Variants in TDRD9 observed in about 807,000 individuals in gnomAD.
TDRD9 encodes ATP-dependent RNA helicase TDRD9.
Under a neutral mutation model 172.6 loss-of-function variants are expected in TDRD9, and 124 were observed. That is an observed-to-expected ratio of 0.72 (90% CI 0.62 to 0.83). The LOEUF is 0.83. TDRD9 is among the 40% of genes least tolerant of loss of function. The probability of loss-of-function intolerance (pLI) is 0.00; values close to 1 mark genes in which losing one functional copy is unlikely to be tolerated. For synonymous variants in TDRD9, 619 were observed against 617.1 expected (o/e 1.00, Z -0.05); for missense variants, 1,479 against 1,714.1 (o/e 0.86, Z 2.42).
At chr14:103,987,425 G>C (rs1179876942) in intron 8 of TDRD9, among the ~76,000 whole-genome samples, 1 of 151,948 alleles carries the variant, frequency 6.6e-6, no homozygotes, top group Non-Finnish European at 1.5e-5. Flanking sequence ...CTTTAGCTGT[G>C]TCCCATTAGT....
intron 7 of TDRD9, among the ~76,000 whole-genome samples, chr14:103,977,218 G>T (rs574185933): frequency 1.2e-4 from 18 of 152,016 alleles, no homozygotes; most frequent in Admixed American, 1.2e-3. Context: ...TGGGCCTGGC[G>T]CGGTGGCTTA....
intron 34 of TDRD9, among the ~76,000 whole-genome samples, chr14:104,046,506 C>T (rs2035781590): frequency 6.6e-6 from 1 of 152,080 alleles, no homozygotes; most frequent in Non-Finnish European, 1.5e-5. Context: ...GCCTTGGTAC[C>T]TTGGTCAAAA....
chr14:103,949,620 A>G (rs2031752616), intron 1 of TDRD9, among the ~76,000 whole-genome samples: 2 of 152,336 alleles, frequency 1.3e-5, no homozygotes, highest in African/African-American at 4.8e-5. Context: ...GATTGCAACA[A>G]TAACTTTGAA....
intron 6 of TDRD9, among the ~76,000 whole-genome samples, chr14:103,971,735 T>C (rs2033042314): frequency 6.6e-6 from 1 of 152,230 alleles, no homozygotes; most frequent in Admixed American, 6.5e-5. Flanking sequence ...CGGATACTTT[T>C]TGGTTATTAT....
intron 20 of TDRD9, among the ~76,000 whole-genome samples, 166 bp from the exon 21 acceptor site, chr14:104,014,559 G>A (rs1244361192): frequency 2.6e-5 from 4 of 152,138 alleles, no homozygotes; most frequent in African/African-American, 7.2e-5. Context: ...GGGATTAGAG[G>A]TGTGAGTCAC....
At chr14:104,017,130 C>T (rs1475786384) in intron 22 of TDRD9, among the ~76,000 whole-genome samples, 1 of 151,966 alleles carries the variant, frequency 6.6e-6, no homozygotes, top group African/African-American at 2.4e-5. Context: ...CCTCTCTCAC[C>T]CCTCTGCCCC....
intron 8 of TDRD9, among the ~76,000 whole-genome samples, chr14:103,987,201 T>G (rs910936351): frequency 6.6e-6 from 1 of 152,094 alleles, no homozygotes; most frequent in African/African-American, 2.4e-5. Context: ...TTTTACTACA[T>G]CTGTCTCCAT....
At chr14:103,987,038 T>C (rs2033686678) in intron 8 of TDRD9, among the ~76,000 whole-genome samples, 1 of 151,976 alleles carries the variant, frequency 6.6e-6, no homozygotes, top group Non-Finnish European at 1.5e-5. Flanking sequence ...CGCTTGAACC[T>C]GGGAGGCAGA....
chr14:103,967,347 CAAAAAA>C (rs11444885), intron 5 of TDRD9, among the ~76,000 whole-genome samples: 12 of 49,748 alleles, frequency 2.4e-4, no homozygotes, highest in East Asian at 6.2e-4. Context: ...ACTAAAAATA[CAAAAAA>C]AAAAAAAAAA....
In TDRD9 at chr14:104,035,073, T is replaced by C. The variant is rs1393905537; in HGVS notation, c.3716+17T>C. 1 of 1,544,466 alleles carries C rather than the reference T, an allele frequency of 6.5e-7. No individual in the cohort carries two copies. Among genetic ancestry groups the C allele is most frequent in the Non-Finnish European group, 8.8e-7 (1 of 1,141,026 alleles). ...AGAGTTAAGGTACGGGCATCCCTCT[T>C]GTCTATAGGCTTTGTAAAATAAGAA... On this transcript the variant is annotated intron_variant, in intron 32 of 35. Transcript: ENST00000409874.
intron 14 of TDRD9, 136 bp downstream of exon 14, chr14:104,004,471 C>T (rs1057021683): frequency 3.6e-5 from 17 of 475,756 alleles, no homozygotes; most frequent in African/African-American, 1.4e-4. Context: ...ATCTGCCTCC[C>T]GGGTTTACGC....
In TDRD9 at chr14:103,979,464, T is replaced by G. The variant is rs570560026; in HGVS notation, c.1011+3911T>G. On this transcript the variant is annotated intron_variant, in intron 7 of 35. Transcript: ENST00000409874. ...CTCAGGGAGCTGGTGTGTGCAGAGA[T>G]CACATGGTGAGACTGGAAGAAGGTG... Among the ~76,000 whole-genome samples, 62 of 152,316 alleles carry G rather than the reference T, an allele frequency of 4.1e-4. No homozygotes were observed. In the East Asian group the frequency reaches 0.012, roughly 28 times the overall value.
chr14:104,020,717 A>G (rs1464144826), intron 23 of TDRD9, among the ~76,000 whole-genome samples: 1 of 152,134 alleles, frequency 6.6e-6, no homozygotes, highest in Non-Finnish European at 1.5e-5. Context: ...CAAGGTGTAC[A>G]TTTCCAGGAG....
intron 1 of TDRD9, among the ~76,000 whole-genome samples, chr14:103,929,716 C>T (rs2030243678): frequency 6.6e-6 from 1 of 152,190 alleles, no homozygotes; most frequent in Non-Finnish European, 1.5e-5. Context: ...GACAGGGTTT[C>T]ACCATGTTGG....
intron 35 of TDRD9, among the ~76,000 whole-genome samples, chr14:104,050,550 T>C (rs1047764501): frequency 6.6e-6 from 1 of 152,164 alleles, no homozygotes; most frequent in Admixed American, 6.5e-5. Context: ...GGGGCAGTCT[T>C]CCCCTCCCCT....
intron 9 of TDRD9, 103 bp from the exon 10 acceptor site, chr14:103,994,229 G>T: frequency 1.1e-6 from 1 of 950,700 alleles, no homozygotes; most frequent in Non-Finnish European, 1.7e-6. Flanking sequence ...CAAATAAATT[G>T]GTAGGGCCTT....
intron 14 of TDRD9, 200 bp from the exon 15 acceptor site, chr14:104,005,071 CTTT>C (rs1056961065): frequency 2.3e-6 from 1 of 427,650 alleles, no homozygotes. Context: ...CTCTCCCCAT[CTTT>C]TTATTTTTCC....
At position 104,052,085 on chromosome 14, in the gene TDRD9, A is replaced by C. The variant is rs139997039; in HGVS notation, c.*3A>C. On this transcript the variant is annotated 3_prime_UTR_variant, in exon 36 of 36. Coordinates refer to ENST00000409874, the MANE Select transcript of TDRD9 (RefSeq NM_153046.3). Reference sequence around the variant, plus strand: ...AACTGGTTGTGCTCGGCACCTGAGCATGTCCACAGGTGGCCTCCAGCACAC... The same window carrying C: ...AACTGGTTGTGCTCGGCACCTGAGCCTGTCCACAGGTGGCCTCCAGCACAC... The C allele has an allele frequency of 0.027, 41,549 of 1,562,846 alleles. 657 individuals carry two copies. Among genetic ancestry groups the C allele is most frequent in the Non-Finnish European group, 0.031 (35,259 of 1,152,518 alleles).
chr14:104,026,746 G>A lies in TDRD9; in HGVS notation c.3089G>A (p.Ser1030Asn). 6.2e-7 allele frequency: 1 copy of A among 1,614,014 alleles called. No individual in the cohort carries two copies. Among genetic ancestry groups the A allele is most frequent in the South Asian group, 1.1e-5 (1 of 91,068 alleles). The change falls in exon 28 of 36, where the codon AGT becomes AAT. Residue 1030 changes from serine (S) to asparagine (N), a missense_variant. Ser to Asn is a conservative substitution (Grantham distance 46, BLOSUM62 1). Around this residue, in one of 3 missense-constraint regions of TDRD9, gnomAD observed 1,413 missense variants for 1,649.1 expected, o/e 0.86. Coordinates refer to ENST00000409874, the MANE Select transcript of TDRD9 (RefSeq NM_153046.3). ...AKSLVCGKHWSDGASQWFASL... is the reference protein window; with the variant it reads ...AKSLVCGKHWNDGASQWFASL... The stretch of plus-strand genomic sequence containing the variant: ...TCTCTTGTTTGTGGCAAGCACTGGA[G>A]TGACGGGGCCAGCCAGTGGTTCGCC...
Sources: allele counts gnomAD v4.1 joint callset (sites outside exome capture counted in the v4.1 genomes callset), GRCh38; gene constraint gnomAD v4.1.1; regional missense constraint gnomAD v4.1.1; transcripts MANE v1.5; gene names NCBI Gene and HGNC (gene_info 2026-07-23, HGNC 2026-07-21).